Variants in OVOL2 observed in about 807,000 individuals in gnomAD.
OVOL2 encodes ovo like zinc finger 2, also known as transcription factor Ovo-like 2.
A neutral mutation model predicts 18.1 loss-of-function variants in OVOL2; 13 were observed. The ratio of observed to expected loss-of-function variants is 0.72; its 90% CI spans 0.47 to 1.14. OVOL2 has a LOEUF of 1.14. Among genes scored for constraint, OVOL2 ranks in the 50% most tolerant of loss-of-function variants. The pLI is 0.00. For missense variants in OVOL2, 335 were observed against 383.0 expected, an observed-to-expected ratio of 0.87 and a Z score of 1.05; for synonymous variants, 166 against 162.7, an observed-to-expected ratio of 1.02 and a Z score of -0.16.
At chr20:18,038,725 A>T (rs2036642398) in intron 3 of OVOL2, among the ~76,000 whole-genome samples, 1 of 151,978 alleles carries the variant, frequency 6.6e-6, no homozygotes. Context: ...CCTCAAGGAC[A>T]TCCTCAGAGA....
chr20:18,046,160 C>A (rs1421368584), intron 2 of OVOL2, among the ~76,000 whole-genome samples: 1 of 152,160 alleles, frequency 6.6e-6, no homozygotes, highest in Admixed American at 6.5e-5. Flanking sequence ...CTAGCTTCTG[C>A]CAGACTATTT....
intron 3 of OVOL2, among the ~76,000 whole-genome samples, chr20:18,028,203 G>A (rs1318469611): frequency 1.3e-5 from 2 of 151,846 alleles, no homozygotes; most frequent in Admixed American, 1.3e-4. Context: ...TTGAGACTGA[G>A]TCTTGCTCTA....
intron 2 of OVOL2, among the ~76,000 whole-genome samples, chr20:18,047,458 C>T (rs1436383330): frequency 2.4e-4 from 33 of 138,284 alleles, no homozygotes; most frequent in East Asian, 1.5e-3. Context: ...TGCAGTGAGC[C>T]GAAATTGTGC....
At chr20:18,027,925 G>T (rs118079763) in intron 3 of OVOL2, among the ~76,000 whole-genome samples, 3,955 of 152,150 alleles carry the variant, frequency 0.026, 80 homozygotes, top group Non-Finnish European at 0.038. Flanking sequence ...TCAAAGAGAG[G>T]TTATGGCTGT....
At chr20:18,028,386 A>G (rs1461993740) in intron 3 of OVOL2, among the ~76,000 whole-genome samples, 6 of 146,926 alleles carry the variant, frequency 4.1e-5, no homozygotes, top group Non-Finnish European at 7.5e-5. Context: ...TGTGTTGGCC[A>G]GGCTGGTGTC....
At position 18,055,419 on chromosome 20, in the gene OVOL2, C is replaced by T. The variant is rs954020233; in HGVS notation, c.321+1238G>A. Among the ~76,000 whole-genome samples, 11 of 152,292 alleles carry T rather than the reference C, an allele frequency of 7.2e-5. No individual in the cohort carries two copies. In the East Asian group the frequency reaches 1.9e-3, roughly 27 times the overall value. The stretch of plus-strand genomic sequence containing the variant: ...GCAAATTTTTCCCTCCCACTTAACC[C>T]CACCTGGCCCGGAAGAGCCTCAGGC... On this transcript the variant is annotated intron_variant, in intron 2 of 3. Coordinates refer to ENST00000278780, the MANE Select transcript of OVOL2 (RefSeq NM_021220.4).
chr20:18,025,715 C>T (rs1473585755), intron 3 of OVOL2, among the ~76,000 whole-genome samples: 1 of 152,198 alleles, frequency 6.6e-6, no homozygotes, highest in African/African-American at 2.4e-5. Context: ...AGAGGGGAAG[C>T]TACCCAGCCA....
At chr20:18,050,750 C>T (rs929549394) in intron 2 of OVOL2, 1 of 152,178 alleles carries the variant, frequency 6.6e-6, no homozygotes, top group African/African-American at 2.4e-5. Context: ...GACTTCTTCC[C>T]CTGCCTAAAT....
intron 2 of OVOL2, among the ~76,000 whole-genome samples, chr20:18,044,260 T>C (rs1271440055): frequency 6.6e-6 from 1 of 152,194 alleles, no homozygotes; most frequent in East Asian, 1.9e-4. Flanking sequence ...ACACTAGCCC[T>C]GAGAAGTCAT....
intron 3 of OVOL2, among the ~76,000 whole-genome samples, chr20:18,039,607 C>CAAAAAAAAAAAAAAAAAAAAAA (rs111619803): frequency 1.1e-5 from 1 of 87,050 alleles, no homozygotes; most frequent in African/African-American, 4.0e-5. Context: ...GACGCTGTCT[C>CAAAAAAAAAAAAAAAAAAAAAA]AAAAAAAAAA....
intron 3 of OVOL2, among the ~76,000 whole-genome samples, chr20:18,036,659 G>GA (rs1346608874): frequency 1.7e-4 from 25 of 149,792 alleles, no homozygotes; most frequent in Middle Eastern, 3.5e-3. Context: ...GGAGTCTGAA[G>GA]GGGTACAGGC....
intron 2 of OVOL2, among the ~76,000 whole-genome samples, chr20:18,050,295 G>C (rs2036761040): frequency 6.6e-6 from 1 of 152,192 alleles, no homozygotes; most frequent in Non-Finnish European, 1.5e-5. Context: ...TAACTGGGCA[G>C]AGGCAGGCAA....
chr20:18,042,999 A>G (rs1180853616), intron 2 of OVOL2, among the ~76,000 whole-genome samples: 1 of 152,200 alleles, frequency 6.6e-6, no homozygotes, highest in African/African-American at 2.4e-5. Context: ...CTTTATGGCA[A>G]CGCAAAATGG....
In OVOL2 at chr20:18,057,138, C is replaced by G. The variant is rs1376601380; in HGVS notation, c.101-261G>C. The stretch of plus-strand genomic sequence containing the variant: ...ACGAGCGGCGGAGGACCCCGCGCGC[C>G]AAGTTTCCTCTCAGGGCGGGGGAGG... On this transcript the variant is annotated intron_variant, in intron 1 of 3. Coordinates refer to ENST00000278780, the MANE Select transcript of OVOL2 (RefSeq NM_021220.4). This position sits in a 1 kb window ranked among gnomAD's most constrained non-coding sequence, Gnocchi z 6.3. Among the ~76,000 whole-genome samples, 9 of 150,312 alleles carry G rather than the reference C, an allele frequency of 6.0e-5. No homozygotes were observed. In the East Asian group the frequency reaches 1.8e-3, roughly 30 times the overall value.
intron 3 of OVOL2, among the ~76,000 whole-genome samples, chr20:18,037,722 T>C (rs777603603): frequency 2.0e-5 from 3 of 152,298 alleles, no homozygotes; most frequent in Admixed American, 6.5e-5. Flanking sequence ...TGGGGGTTGA[T>C]TGAGCAACCT....
chr20:18,026,933 G>A (rs759385090), intron 3 of OVOL2, among the ~76,000 whole-genome samples: 1 of 152,092 alleles, frequency 6.6e-6, no homozygotes, highest in Admixed American at 6.6e-5. Flanking sequence ...AACAACAGAC[G>A]CTGGGGACTA....
chr20:18,049,386 G>A (rs1169616740), intron 2 of OVOL2, among the ~76,000 whole-genome samples: 2 of 152,218 alleles, frequency 1.3e-5, no homozygotes, highest in Non-Finnish European at 2.9e-5. Flanking sequence ...TTCTGTTGAT[G>A]TTTCTAGCAG....
intron 3 of OVOL2, among the ~76,000 whole-genome samples, chr20:18,041,024 G>A (rs1346841499): frequency 2.6e-5 from 4 of 152,206 alleles, no homozygotes; most frequent in Middle Eastern, 3.4e-3. Flanking sequence ...AACTCACATC[G>A]ATATCTCCAT....
chr20:18,026,005 C>T (rs1489488495), intron 3 of OVOL2, among the ~76,000 whole-genome samples: 3 of 152,224 alleles, frequency 2.0e-5, no homozygotes, highest in African/African-American at 7.2e-5. Context: ...ATTGGCAGGA[C>T]ACTAAGGCAT....
Sources: gnomAD v4.1 joint callset for allele counts (sites outside exome capture counted in the v4.1 genomes callset) on GRCh38, gnomAD v4.1.1 for gene constraint, Gnocchi (gnomAD v3.1) non-coding constraint, MANE v1.5 for transcripts, NCBI Gene and HGNC (gene_info 2026-07-23, HGNC 2026-07-21) for gene names.